Variants in GPR158 observed in about 807,000 individuals in gnomAD.
The protein encoded by GPR158 is G protein-coupled receptor 158, also known as metabotropic glycine receptor.
In GPR158, 30 loss-of-function variants were observed where a neutral mutation model predicts 78.2. That is an observed-to-expected ratio of 0.38 (90% confidence interval 0.29 to 0.52). The LOEUF is 0.52. Ranked by LOEUF, GPR158 falls within the 20% of genes least tolerant of loss-of-function variation. The pLI, the probability that GPR158 is intolerant of heterozygous loss-of-function variation, is 0.83. For missense variants in GPR158, 1,463 were observed against 1,523.5 expected, an observed-to-expected ratio of 0.96 and a Z score of 0.66; for synonymous variants, 581 against 591.1, an observed-to-expected ratio of 0.98 and a Z score of 0.25.
At chr10:25,478,417 GTCAT>G (rs1196766219) in intron 5 of GPR158, among the ~76,000 whole-genome samples, 1 of 151,942 alleles carries the variant, frequency 6.6e-6, no homozygotes, top group Non-Finnish European at 1.5e-5. Flanking sequence ...TCCAGAAATA[GTCAT>G]TGTGTACATT....
chr10:25,464,596 C>A lies in GPR158; in HGVS notation c.1336-2055C>A, dbSNP rs533440772. Among the ~76,000 whole-genome samples, 3 of 152,194 alleles carry A rather than the reference C, an allele frequency of 2.0e-5. No homozygotes were observed. The South Asian group carries it at 6.2e-4, about 32-fold the overall frequency. On this transcript the variant is annotated intron_variant, in intron 4 of 10. Transcript: ENST00000376351. ...TAAAATACCCGTTTTATGGGTGAGA[C>A]CATTGAAGTTCCAGGTGGCCCAACA...
At chr10:25,429,402 G>A (rs4431923) in intron 4 of GPR158, among the ~76,000 whole-genome samples, 17,500 of 152,026 alleles carry the variant, frequency 0.12, 1,039 homozygotes, top group East Asian at 0.17. Context: ...TTGTCAAAAA[G>A]CAAATATTTT....
intron 2 of GPR158, among the ~76,000 whole-genome samples, chr10:25,385,264 A>G (rs562103848): frequency 6.6e-6 from 1 of 152,158 alleles, no homozygotes; most frequent in Non-Finnish European, 1.5e-5. Context: ...AATGTCCTCT[A>G]TGTTCAACCA....
intron 4 of GPR158, among the ~76,000 whole-genome samples, chr10:25,448,332 T>C (rs935823070): frequency 1.8e-4 from 27 of 152,034 alleles, no homozygotes; most frequent in Non-Finnish European, 2.5e-4. Flanking sequence ...CCTCATGATC[T>C]GCCCACCTTG....
chr10:25,443,335 A>C (rs1017644612), intron 4 of GPR158, among the ~76,000 whole-genome samples: 3 of 151,956 alleles, frequency 2.0e-5, no homozygotes, highest in African/African-American at 7.3e-5. Flanking sequence ...CGGACGGATC[A>C]CCTGAGGTCA....
chr10:25,318,818 A>G (rs12359429), intron 2 of GPR158, among the ~76,000 whole-genome samples: 18,790 of 152,282 alleles, frequency 0.12, 1,522 homozygotes, highest in Non-Finnish European at 0.18. Flanking sequence ...ATATACTTCA[A>G]TCAGGTGCAG....
In GPR158 at chr10:25,418,247, T is replaced by C. The variant is rs1369916994; in HGVS notation, c.1335+5774T>C. On this transcript the variant is annotated intron_variant, in intron 4 of 10. Transcript: ENST00000376351. Reference sequence around the variant, plus strand: ...TTTTAGTACATTTAATTGAAAGAGATTTGTCCAGGCCCAAAATATCAACTC... The same window carrying C: ...TTTTAGTACATTTAATTGAAAGAGACTTGTCCAGGCCCAAAATATCAACTC... 2.6e-5 allele frequency among the ~76,000 whole-genome samples: 4 copies of C among 152,292 alleles called. No individual in the cohort carries two copies. The East Asian group carries it at 7.7e-4, about 29-fold the overall frequency.
chr10:25,419,735 G>A (rs368049046), intron 4 of GPR158, among the ~76,000 whole-genome samples: 1 of 152,000 alleles, frequency 6.6e-6, no homozygotes, highest in East Asian at 1.9e-4. Flanking sequence ...TTGTGGGTTT[G>A]ACTTCCATTT....
intron 1 of GPR158, among the ~76,000 whole-genome samples, chr10:25,217,252 G>A (rs1421495230): frequency 6.6e-6 from 1 of 152,098 alleles, no homozygotes; most frequent in Non-Finnish European, 1.5e-5. Flanking sequence ...CAAACTGGAG[G>A]AACTTTAGGA....
chr10:25,553,476 C>A (rs1352977376), intron 6 of GPR158, among the ~76,000 whole-genome samples: 1 of 151,846 alleles, frequency 6.6e-6, no homozygotes, highest in East Asian at 1.9e-4. Context: ...CTGTTTTTTT[C>A]TCTATATTGC....
At chr10:25,375,415 G>T (rs1834063731) in intron 2 of GPR158, among the ~76,000 whole-genome samples, 1 of 151,350 alleles carries the variant, frequency 6.6e-6, no homozygotes, top group Non-Finnish European at 1.5e-5. Context: ...TTGTGTTTCT[G>T]ATGTCAAGTC....
At chr10:25,244,427 G>A (rs957614998) in intron 2 of GPR158, 16 of 152,114 alleles carry the variant, frequency 1.1e-4, no homozygotes, top group African/African-American at 3.1e-4. Flanking sequence ...CTTAATGCTA[G>A]AAGTTAACAA....
At chr10:25,197,518 A>G (rs1052740494) in intron 1 of GPR158, among the ~76,000 whole-genome samples, 2 of 152,212 alleles carry the variant, frequency 1.3e-5, no homozygotes, top group Admixed American at 1.3e-4. Flanking sequence ...GAGTATTTAA[A>G]TTTAAGAAGT....
chr10:25,586,903 A>G (rs1359762672), intron 7 of GPR158, among the ~76,000 whole-genome samples: 1 of 152,360 alleles, frequency 6.6e-6, no homozygotes, highest in East Asian at 1.9e-4. Context: ...CCTACTGATC[A>G]CTGTACAGAA....
intron 1 of GPR158, among the ~76,000 whole-genome samples, chr10:25,189,732 A>C (rs1266758540): frequency 4.6e-5 from 7 of 151,770 alleles, no homozygotes; most frequent in Non-Finnish European, 7.4e-5. Flanking sequence ...ACATGTATAC[A>C]TATGTAGCAA....
At chr10:25,383,086 C>G (rs1301367490) in intron 2 of GPR158, among the ~76,000 whole-genome samples, 1 of 152,206 alleles carries the variant, frequency 6.6e-6, no homozygotes, top group Non-Finnish European at 1.5e-5. Context: ...CCACCTGCCT[C>G]CGTCTCCCAA....
At chr10:25,285,088 G>GTGTGTGTGTGTA (rs149323477) in intron 2 of GPR158, among the ~76,000 whole-genome samples, 2 of 151,754 alleles carry the variant, frequency 1.3e-5, no homozygotes, top group Non-Finnish European at 2.9e-5. Context: ...GTGTGTGTGT[G>GTGTGTGTGTGTA]TGTATGCATG....
At chr10:25,185,277 G>C (rs949574985) in intron 1 of GPR158, among the ~76,000 whole-genome samples, 1 of 152,104 alleles carries the variant, frequency 6.6e-6, no homozygotes, top group Non-Finnish European at 1.5e-5. Context: ...TGCTCATATA[G>C]GCATTTGTCA....
At chr10:25,184,435 C>A (rs1352423034) in intron 1 of GPR158, among the ~76,000 whole-genome samples, 1 of 152,184 alleles carries the variant, frequency 6.6e-6, no homozygotes, top group East Asian at 1.9e-4. Flanking sequence ...CCTGAGCCAG[C>A]ACACTCAGCT....
Sources: gnomAD v4.1 joint callset for allele counts (sites outside exome capture counted in the v4.1 genomes callset) on GRCh38, gnomAD v4.1.1 for gene constraint, MANE v1.5 for transcripts, NCBI Gene and HGNC (gene_info 2026-07-23, HGNC 2026-07-21) for gene names.